Variants in FNBP1 observed in about 807,000 individuals in gnomAD.
FNBP1 encodes formin-binding protein 1.
A neutral mutation model predicts 90.6 loss-of-function variants in FNBP1; 26 were observed. The ratio of observed to expected loss-of-function variants is 0.29; its 90% CI spans 0.21 to 0.40. FNBP1 has a LOEUF of 0.40. Among genes scored for constraint, FNBP1 ranks in the 10% least tolerant of loss-of-function variants. The pLI, the probability that FNBP1 is intolerant of heterozygous loss-of-function variation, is 1.00. For synonymous variants in FNBP1, 260 were observed against 265.2 expected (o/e 0.98, Z 0.19); for missense variants, 635 against 768.0 (o/e 0.83, Z 2.05).
intron 11 of FNBP1, among the ~76,000 whole-genome samples, chr9:129,909,967 G>A (rs757525051): frequency 6.6e-6 from 1 of 152,160 alleles, no homozygotes; most frequent in Non-Finnish European, 1.5e-5. Flanking sequence ...GTTTTCCACA[G>A]TGTACGAAAC....
chr9:130,019,142 G>A (rs1007569573), intron 1 of FNBP1, among the ~76,000 whole-genome samples: 6 of 151,868 alleles, frequency 4.0e-5, no homozygotes, highest in Non-Finnish European at 8.8e-5. Flanking sequence ...TGGGAGGATC[G>A]CTTGAGTCTG....
At chr9:129,964,720 A>G (rs964621352) in intron 4 of FNBP1, among the ~76,000 whole-genome samples, 4 of 152,094 alleles carry the variant, frequency 2.6e-5, no homozygotes, top group African/African-American at 9.7e-5. Context: ...GAACAGACAA[A>G]CTCACACAAA....
intron 8 of FNBP1, among the ~76,000 whole-genome samples, chr9:129,926,784 G>A (rs928518078): frequency 1.1e-4 from 17 of 151,970 alleles, no homozygotes; most frequent in Admixed American, 6.6e-4. Context: ...TACTCAGGAG[G>A]CTGAGGCAGG....
At chr9:129,941,933 T>G (rs570317837) in intron 6 of FNBP1, among the ~76,000 whole-genome samples, 1 of 152,038 alleles carries the variant, frequency 6.6e-6, no homozygotes, top group South Asian at 2.1e-4. Context: ...TAGCCAGGTG[T>G]GGTGGCAGGC....
intron 1 of FNBP1, among the ~76,000 whole-genome samples, chr9:130,029,801 T>C (rs2058651159): frequency 2.0e-5 from 3 of 151,246 alleles, no homozygotes; most frequent in Admixed American, 1.3e-4. Flanking sequence ...CTGGGTGACA[T>C]AGCGAGACAA....
intron 4 of FNBP1, 28 bp downstream of exon 4, chr9:129,978,437 G>C: frequency 6.3e-7 from 1 of 1,593,716 alleles, no homozygotes; most frequent in Non-Finnish European, 8.6e-7. Context: ...CCATCTTTTA[G>C]GAAGAAAAAG....
Position 129,929,431 on chromosome 9 carries a change from A to ATTAGTGG in FNBP1, c.642+135_642+136insCCACTAA. ...TCTCAAAAAAAAAAAAAAAAAAAAA[A>ATTAGTGG]AAAATTAGTGGAAATTTGGAATTAT... is the stretch of plus-strand genomic sequence containing the variant. On this transcript the variant is annotated intron_variant, in intron 7 of 16. Coordinates refer to ENST00000446176, the MANE Select transcript of FNBP1 (RefSeq NM_015033.3). 4.9e-6 allele frequency: 4 copies of ATTAGTGG among 821,650 alleles called. No homozygotes were observed. In the South Asian group the frequency reaches 8.1e-5, roughly 17 times the overall value. 50.9% of individuals were successfully genotyped at this position (821,650 alleles called of 1,614,324 possible). A position where few individuals can be genotyped will look rare whatever the true frequency, so the allele number is the denominator to read the frequency against.
chr9:129,957,304 C>T lies in FNBP1; in HGVS notation c.513+56G>A, dbSNP rs1588867692. The T allele has an allele frequency of 7.9e-7, 1 of 1,271,376 alleles. No individual in the cohort carries two copies. The highest frequency in any genetic ancestry group is 1.2e-5 in the South Asian group (1 of 83,046). 78.8% of individuals were successfully genotyped at this position (1,271,376 alleles called of 1,614,324 possible). A position where few individuals can be genotyped will look rare whatever the true frequency, so the allele number is the denominator to read the frequency against. On this transcript the variant is annotated intron_variant, in intron 6 of 16. Coordinates refer to ENST00000446176, the MANE Select transcript of FNBP1 (RefSeq NM_015033.3). This position sits in a 1 kb window ranked among gnomAD's most constrained non-coding sequence, Gnocchi z 4.3. The stretch of plus-strand genomic sequence containing the variant: ...CCGCTCACCTCAGCCTCCCAAAGTG[C>T]TGGGATTACAGGCGTGAGCCACCGT...
chr9:129,938,179 T>A (rs1020117233), intron 6 of FNBP1, among the ~76,000 whole-genome samples: 6 of 151,896 alleles, frequency 4.0e-5, no homozygotes, highest in Non-Finnish European at 7.4e-5. Context: ...ATAAATAAAT[T>A]AATTAATTTT....
At position 129,966,445 on chromosome 9, in the gene FNBP1, A is replaced by G. The variant is rs192593370; in HGVS notation, c.346-7892T>C. On this transcript the variant is annotated intron_variant, in intron 4 of 16. Coordinates refer to ENST00000446176, the MANE Select transcript of FNBP1 (RefSeq NM_015033.3). The surrounding 1 kb of genome is among the most constrained non-coding windows in gnomAD (Gnocchi z 4.3). ...GTTGGAAGATTTAAGAAAGGAAGTG[A>G]CAGCCGGATGCAGTGGCTCACGCCT... 2.6e-5 allele frequency among the ~76,000 whole-genome samples: 4 copies of G among 152,188 alleles called. No homozygotes were observed. The highest frequency in any genetic ancestry group is 4.8e-5 in the African/African-American group (2 of 41,520).
intron 1 of FNBP1, among the ~76,000 whole-genome samples, chr9:130,027,148 G>C (rs1171281098): frequency 6.6e-6 from 1 of 152,078 alleles, no homozygotes; most frequent in Non-Finnish European, 1.5e-5. Context: ...CAGTGGTTAT[G>C]TGGTTATGAC....
At chr9:129,896,056 A>G in intron 15 of FNBP1, 60 bp from the exon 16 acceptor site, 1 of 1,508,542 alleles carries the variant, frequency 6.6e-7, no homozygotes, top group East Asian at 2.3e-5. Flanking sequence ...GGAAGCAAAC[A>G]GTGGCCTTCG....
chr9:130,052,945 G>A, the FNBP1 span, among the ~76,000 whole-genome samples: 10 of 151,802 alleles, frequency 6.6e-5, no homozygotes, highest in African/African-American at 2.4e-4. Flanking sequence ...GAGAAACCCC[G>A]TGTCTACTAA....
chr9:130,008,402 C>G (rs2131611621), intron 1 of FNBP1, among the ~76,000 whole-genome samples: 1 of 152,150 alleles, frequency 6.6e-6, no homozygotes, highest in Non-Finnish European at 1.5e-5. Flanking sequence ...AAAATTACTC[C>G]TCCAGATAGG....
At chr9:129,925,975 T>G (rs150686032) in intron 8 of FNBP1, among the ~76,000 whole-genome samples, 27 of 151,912 alleles carry the variant, frequency 1.8e-4, no homozygotes, top group African/African-American at 5.1e-4. Flanking sequence ...TTTTCTGATT[T>G]TTTTGTTTGT....
intron 6 of FNBP1, among the ~76,000 whole-genome samples, chr9:129,947,867 G>A (rs1369613976): frequency 1.3e-5 from 2 of 151,688 alleles, no homozygotes; most frequent in African/African-American, 2.4e-5. Context: ...GGTAATCTGC[G>A]TGCCTCAGCC....
rs201136852 is a variant in FNBP1, at chr9:129,890,491, C to A, written c.*48G>T. 1.4e-5 allele frequency: 21 copies of A among 1,545,576 alleles called. No individual in the cohort carries two copies. Among genetic ancestry groups the A allele is most frequent in the Admixed American group, 1.1e-4 (6 of 54,372 alleles). On this transcript the variant is annotated 3_prime_UTR_variant, in exon 17 of 17. Coordinates refer to ENST00000446176, the MANE Select transcript of FNBP1 (RefSeq NM_015033.3). The surrounding 1 kb of genome is among the most constrained non-coding windows in gnomAD (Gnocchi z 5.8). The stretch of plus-strand genomic sequence containing the variant: ...CTGGAGGCCTGTGGGAACAAGCAGA[C>A]GGAGGCTCCTCCAGGAAGGCTCACC...
intron 6 of FNBP1, among the ~76,000 whole-genome samples, chr9:129,942,608 C>T (rs2044490141): frequency 6.6e-6 from 1 of 152,162 alleles, no homozygotes; most frequent in Non-Finnish European, 1.5e-5. Context: ...GAACTTGAGG[C>T]ACAGAAACAT....
chr9:130,007,879 G>A (rs2055999908), intron 1 of FNBP1, among the ~76,000 whole-genome samples: 1 of 151,884 alleles, frequency 6.6e-6, no homozygotes, highest in Non-Finnish European at 1.5e-5. Flanking sequence ...AGCTGGGTAT[G>A]GTGGCGAGCG....
Sources: gnomAD v4.1 joint callset for allele counts (sites outside exome capture counted in the v4.1 genomes callset) on GRCh38, gnomAD v4.1.1 for gene constraint, Gnocchi (gnomAD v3.1) non-coding constraint, MANE v1.5 for transcripts, NCBI Gene and HGNC (gene_info 2026-07-23, HGNC 2026-07-21) for gene names.